Variants in GNG7 observed in about 807,000 individuals in gnomAD.
The protein encoded by GNG7 is guanine nucleotide-binding protein G(I)/G(S)/G(O) subunit gamma-7.
Under a neutral mutation model 4.0 loss-of-function variants are expected in GNG7, and 1 was observed. The observed-to-expected ratio is 0.25, with a 90% CI of 0.09 to 1.18. The LOEUF (loss-of-function observed/expected upper bound fraction) is 1.18. Ranked by LOEUF, GNG7 falls within the 50% of genes most tolerant of loss-of-function variation. The probability of loss-of-function intolerance (pLI) is 0.50; values close to 1 mark genes in which losing one functional copy is unlikely to be tolerated. For missense variants in GNG7, 86 were observed against 91.9 expected, an observed-to-expected ratio of 0.94 and a Z score of 0.26; for synonymous variants, 34 against 36.9, an observed-to-expected ratio of 0.92 and a Z score of 0.29.
chr19:2,604,287 T>C (rs929900489), intron 2 of GNG7, among the ~76,000 whole-genome samples: 3 of 150,632 alleles, frequency 2.0e-5, no homozygotes, highest in Non-Finnish European at 4.4e-5. Context: ...CTGGGCAACA[T>C]AGCAAGACCC....
At chr19:2,534,125 A>G (rs1326278684) in intron 3 of GNG7, among the ~76,000 whole-genome samples, 1 of 152,208 alleles carries the variant, frequency 6.6e-6, no homozygotes, top group Admixed American at 6.5e-5. Flanking sequence ...TGAAGTCAGC[A>G]TCTGAAAAAA....
At chr19:2,543,915 C>CT (rs1210876146) in intron 3 of GNG7, among the ~76,000 whole-genome samples, 7 of 152,198 alleles carry the variant, frequency 4.6e-5, no homozygotes, top group African/African-American at 1.7e-4. Context: ...GGCTCTAAAA[C>CT]TTCCAGAACC....
rs376679719 is a variant in GNG7, at chr19:2,550,178, G to T, written c.-38+4971C>A. ...GTGGGTAGAATGCAGCAGAAGGAGC[G>T]GCTGGGAGGCACTCTCTCATCCAGC... On this transcript the variant is annotated intron_variant, in intron 3 of 4. Coordinates refer to ENST00000382159, the MANE Select transcript of GNG7 (RefSeq NM_052847.3). 3.1e-3 allele frequency among the ~76,000 whole-genome samples: 472 copies of T among 152,256 alleles called. 2 individuals carry two copies. Among genetic ancestry groups the T allele is most frequent in the African/African-American group, 0.01 (431 of 41,560 alleles).
chr19:2,670,901 G>C (rs1473822137), intron 1 of GNG7, among the ~76,000 whole-genome samples: 1 of 152,144 alleles, frequency 6.6e-6, no homozygotes, highest in Admixed American at 6.5e-5. Flanking sequence ...ATGATCCTCT[G>C]CCCTGCTGAG....
intron 2 of GNG7, chr19:2,641,715 G>A (rs1982512473): frequency 6.6e-6 from 1 of 151,988 alleles, no homozygotes; most frequent in Non-Finnish European, 1.5e-5. Flanking sequence ...CCAGGCTGGA[G>A]TGCAGTGGCG....
intron 1 of GNG7, among the ~76,000 whole-genome samples, chr19:2,685,874 G>C (rs1284569543): frequency 6.6e-6 from 1 of 152,100 alleles, no homozygotes; most frequent in Non-Finnish European, 1.5e-5. Flanking sequence ...CTAAGAAAAG[G>C]GCCTTGGCAA....
intron 1 of GNG7, among the ~76,000 whole-genome samples, chr19:2,687,988 C>T (rs997493116): frequency 3.3e-5 from 5 of 151,746 alleles, no homozygotes; most frequent in African/African-American, 1.2e-4. Flanking sequence ...CGCGGTGGCT[C>T]ACGCCTGTAA....
chr19:2,695,841 G>A (rs889908860), intron 1 of GNG7, among the ~76,000 whole-genome samples: 1 of 152,154 alleles, frequency 6.6e-6, no homozygotes, highest in Non-Finnish European at 1.5e-5. Flanking sequence ...CGGCTCAAGA[G>A]GGAGCACTGA....
In GNG7 at chr19:2,626,804, C is replaced by T. The variant is rs1039991875; in HGVS notation, c.-78+19420G>A. On this transcript the variant is annotated intron_variant, in intron 2 of 4. Transcript: ENST00000382159. The surrounding 1 kb of genome is among the most constrained non-coding windows in gnomAD (Gnocchi z 5.0). ...TTCCCTGACTAATATTCCCTCACAT[C>T]GGTCCATGCTCCTGGCATGGAGTGG... Among the ~76,000 whole-genome samples the T allele has an allele frequency of 2.6e-5, 4 of 152,136 alleles. No individual in the cohort carries two copies. The highest frequency in any genetic ancestry group is 4.8e-5 in the African/African-American group (2 of 41,426).
chr19:2,600,956 A>G (rs1021217645), intron 2 of GNG7, among the ~76,000 whole-genome samples: 2 of 152,126 alleles, frequency 1.3e-5, no homozygotes, highest in African/African-American at 2.4e-5. Context: ...GCTGAAAAGT[A>G]CGGCTGAAGG....
intron 3 of GNG7, among the ~76,000 whole-genome samples, chr19:2,550,415 G>T (rs1024339548): frequency 1.3e-5 from 2 of 152,062 alleles, no homozygotes; most frequent in African/African-American, 2.4e-5. Flanking sequence ...TGGTAGAGTC[G>T]CGGTTTCACC....
At chr19:2,588,577 C>A (rs530823612) in intron 2 of GNG7, among the ~76,000 whole-genome samples, 1 of 152,212 alleles carries the variant, frequency 6.6e-6, no homozygotes, top group Non-Finnish European at 1.5e-5. Flanking sequence ...AACTTTCTCC[C>A]GTCAGTCAGG....
At chr19:2,550,029 C>T (rs770439963) in intron 3 of GNG7, among the ~76,000 whole-genome samples, 16 of 152,306 alleles carry the variant, frequency 1.1e-4, no homozygotes, top group Middle Eastern at 6.8e-3. Flanking sequence ...CAGGAAGTGC[C>T]GAGGCCTCTT....
Position 2,591,465 on chromosome 19 carries a change from T to G in GNG7, c.-77-36277A>C, listed in dbSNP as rs868591652. Among the ~76,000 whole-genome samples, 1,259 of 151,316 alleles carry G rather than the reference T, an allele frequency of 8.3e-3. 28 individuals carry two copies. Among genetic ancestry groups the G allele is most frequent in the African/African-American group, 0.029 (1,201 of 41,256 alleles). On this transcript the variant is annotated intron_variant, in intron 2 of 4. Coordinates refer to ENST00000382159, the MANE Select transcript of GNG7 (RefSeq NM_052847.3). ...TTGAAAATAAAGGGTTTTTTTTTTT[T>G]TTTTTTTTTTAAGGGAGAGATTATA...
intron 2 of GNG7, among the ~76,000 whole-genome samples, chr19:2,582,181 T>C (rs755144166): frequency 6.6e-6 from 1 of 152,142 alleles, no homozygotes; most frequent in Non-Finnish European, 1.5e-5. Context: ...AGGATGAAAT[T>C]TGAATCAGCC....
In GNG7 at chr19:2,513,215, C is replaced by T. The variant is rs1972680249; in HGVS notation, c.*1807G>A. On this transcript the variant is annotated 3_prime_UTR_variant, in exon 5 of 5. Coordinates refer to ENST00000382159, the MANE Select transcript of GNG7 (RefSeq NM_052847.3). The stretch of plus-strand genomic sequence containing the variant: ...CTCAGGAAGTGAGCCAAGCAGGGAT[C>T]CCCGCCTCACGGGCCTGCACGGAGG... 1.2e-6 allele frequency: 1 copy of T among 840,484 alleles called. No individual in the cohort carries two copies. Among genetic ancestry groups the T allele is most frequent in the Non-Finnish European group, 1.4e-6 (1 of 697,624 alleles). The allele number at this position is 840,484 out of a possible 1,614,324, so 52.1% of individuals were successfully genotyped here.
Position 2,512,317 on chromosome 19 carries a change from G to A in GNG7, c.*2705C>T, listed in dbSNP as rs774875250. 8.1e-6 allele frequency: 8 copies of A among 985,610 alleles called. No homozygotes were observed. Among genetic ancestry groups the A allele is most frequent in the Non-Finnish European group, 9.6e-6 (8 of 829,916 alleles). 61.1% of individuals were successfully genotyped at this position (985,610 alleles called of 1,614,324 possible). ...GCACTCGGGTGCCACGTCTGCAAAG[G>A]TATTTTCCACAGTGTGGTCACTGAA... On this transcript the variant is annotated 3_prime_UTR_variant, in exon 5 of 5. Coordinates refer to ENST00000382159, the MANE Select transcript of GNG7 (RefSeq NM_052847.3). The surrounding 1 kb of genome is among the most constrained non-coding windows in gnomAD (Gnocchi z 4.7).
In GNG7 at chr19:2,557,123, A is replaced by G. The variant is rs1260277672; in HGVS notation, c.-77-1935T>C. Among the ~76,000 whole-genome samples, 2 of 151,576 alleles carry G rather than the reference A, an allele frequency of 1.3e-5. No homozygotes were observed. The highest frequency in any genetic ancestry group is 2.4e-5 in the African/African-American group (1 of 41,158). ...TACTCAGACACACGCACACACGTAC[A>G]CACGTGTACTGCACACTCACGCACA... is the stretch of plus-strand genomic sequence containing the variant. On this transcript the variant is annotated intron_variant, in intron 2 of 4. Transcript: ENST00000382159. This position sits in a 1 kb window ranked among gnomAD's most constrained non-coding sequence, Gnocchi z 5.1.
chr19:2,627,533 C>T (rs1599429319), intron 2 of GNG7, among the ~76,000 whole-genome samples: 1 of 152,224 alleles, frequency 6.6e-6, no homozygotes, highest in Admixed American at 6.5e-5. Context: ...CCCACCCAGG[C>T]GTGCCAGCCA....
Sources: allele counts gnomAD v4.1 joint callset (sites outside exome capture counted in the v4.1 genomes callset), GRCh38; gene constraint gnomAD v4.1.1; non-coding constraint Gnocchi (gnomAD v3.1); transcripts MANE v1.5; gene names NCBI Gene and HGNC (gene_info 2026-07-23, HGNC 2026-07-21).